Variants in TIAM2 observed in about 807,000 individuals in gnomAD.
TIAM2 encodes rho guanine nucleotide exchange factor TIAM2.
In TIAM2, 80 loss-of-function variants were observed where a neutral mutation model predicts 152.9. The ratio of observed to expected loss-of-function variants is 0.52; its 90% CI spans 0.44 to 0.63. The LOEUF (loss-of-function observed/expected upper bound fraction) is 0.63, where lower values mean the gene tolerates loss of function less well. Among genes scored for constraint, TIAM2 ranks in the 30% least tolerant of loss-of-function variants. The pLI is 0.00. For missense variants in TIAM2, 1,965 were observed against 2,120.1 expected (o/e 0.93, Z 1.44); for synonymous variants, 804 against 838.0 (o/e 0.96, Z 0.70).
chr6:155,165,372 C>A lies in TIAM2; in HGVS notation c.2324C>A (p.Ala775Asp), dbSNP rs149111578. ...TCGTTAAAAGGGCTGGACACACTGG[C>A]CAGAAAAGGCAAGGAGAAGAGACCT... Reference protein sequence around the residue: ...FSSLKGLDTLARKGKEKRPSI... With the variant: ...FSSLKGLDTLDRKGKEKRPSI... The change falls in exon 9 of 27, where the codon GCC becomes GAC. Residue 775 changes from alanine (A) to aspartate (D), a missense_variant. Around this residue, in one of 3 missense-constraint regions of TIAM2, gnomAD observed 1,025 missense variants for 1,119.4 expected, o/e 0.92. Transcript: ENST00000682666. The A allele has an allele frequency of 3.9e-5, 63 of 1,613,796 alleles. No homozygotes were observed. Among genetic ancestry groups the A allele is most frequent in the Non-Finnish European group, 5.2e-5 (61 of 1,179,968 alleles).
chr6:155,077,583 T>C (rs937947230), intron 1 of TIAM2, among the ~76,000 whole-genome samples: 2 of 152,208 alleles, frequency 1.3e-5, no homozygotes, highest in African/African-American at 4.8e-5. Context: ...AAGTTTTTAT[T>C]AGTGCTGCTT....
chr6:155,022,840 G>C (rs1776524964), intron 1 of TIAM2, among the ~76,000 whole-genome samples: 1 of 152,214 alleles, frequency 6.6e-6, no homozygotes, highest in South Asian at 2.1e-4. Flanking sequence ...AGTTAGTAGG[G>C]AAGAGGGCTA....
intron 14 of TIAM2, among the ~76,000 whole-genome samples, chr6:155,200,921 TAAAC>T (rs1229519658): frequency 6.6e-6 from 1 of 151,682 alleles, no homozygotes; most frequent in South Asian, 2.1e-4. Context: ...ATAAAATAAA[TAAAC>T]AATAAATAAA....
chr6:155,063,575 A>G (rs1345365748), intron 1 of TIAM2, among the ~76,000 whole-genome samples: 1 of 152,132 alleles, frequency 6.6e-6, no homozygotes, highest in Non-Finnish European at 1.5e-5. Context: ...CAAGGTCAAG[A>G]GGTCAAGACC....
At chr6:155,206,848 A>G (rs1012675813) in intron 14 of TIAM2, among the ~76,000 whole-genome samples, 2 of 152,232 alleles carry the variant, frequency 1.3e-5, no homozygotes, top group South Asian at 2.1e-4. Context: ...TATATTAACC[A>G]GATACAAATA....
At chr6:155,238,750 C>T (rs1462418255) in intron 15 of TIAM2, among the ~76,000 whole-genome samples, 2 of 152,216 alleles carry the variant, frequency 1.3e-5, no homozygotes, top group African/African-American at 4.8e-5. Flanking sequence ...CCACAGAAGT[C>T]TTTGTTGATT....
chr6:155,166,522 C>T lies in TIAM2; in HGVS notation c.2361+1113C>T, dbSNP rs539838589. ...TATTTTTAGTAGAGACAGGGTTTCA[C>T]CTGTTGGCCAGGCTGGTTGTGAACT... On this transcript the variant is annotated intron_variant, in intron 9 of 26. Coordinates refer to ENST00000682666, the MANE Select transcript of TIAM2 (RefSeq NM_012454.4). Among the ~76,000 whole-genome samples, 9 of 152,216 alleles carry T rather than the reference C, an allele frequency of 5.9e-5. No homozygotes were observed. In the East Asian group the frequency reaches 1.5e-3, roughly 26 times the overall value.
chr6:155,203,321 G>A (rs981087212), intron 14 of TIAM2, among the ~76,000 whole-genome samples: 3 of 152,090 alleles, frequency 2.0e-5, no homozygotes, highest in African/African-American at 7.2e-5. Flanking sequence ...TAAAATGAAG[G>A]AATTGAATAG....
At chr6:155,179,332 A>G (rs375431596) in intron 11 of TIAM2, 46 bp from the exon 12 acceptor site, 2 of 1,589,620 alleles carry the variant, frequency 1.3e-6, no homozygotes, top group Admixed American at 1.7e-5. Flanking sequence ...TTTTTGAGGT[A>G]TCATAACATG....
intron 2 of TIAM2, among the ~76,000 whole-genome samples, chr6:155,093,807 A>G (rs1583186300): frequency 6.6e-6 from 1 of 152,258 alleles, no homozygotes; most frequent in Middle Eastern, 3.4e-3. Flanking sequence ...CCCCTTTCTA[A>G]ATTCATGCCT....
At chr6:155,040,107 T>G (rs571120323) in intron 1 of TIAM2, among the ~76,000 whole-genome samples, 1 of 152,324 alleles carries the variant, frequency 6.6e-6, no homozygotes, top group Admixed American at 6.5e-5. Context: ...TCTGAGAAAT[T>G]ATATGAAATT....
In TIAM2 at chr6:155,080,463, A is replaced by AGGC. The variant is rs574923658; in HGVS notation, c.-208-9825_-208-9824insGCG. The stretch of plus-strand genomic sequence containing the variant: ...ATCCTTTTTTTTTTTTCTGGGAGAC[A>AGGC]GAGTCTTGCTCTGTCCCCCAGGCTG... On this transcript the variant is annotated intron_variant, in intron 1 of 26. Transcript: ENST00000682666. Among the ~76,000 whole-genome samples, 68 of 151,418 alleles carry AGGC rather than the reference A, an allele frequency of 4.5e-4. 1 individual carries two copies. The East Asian group carries it at 9.3e-3, about 21-fold the overall frequency.
chr6:155,254,256 T>G (rs2115365458), intron 25 of TIAM2, 163 bp from the exon 26 acceptor site: 2 of 1,039,906 alleles, frequency 1.9e-6, no homozygotes, highest in Non-Finnish European at 2.8e-6. Context: ...GAGTGATCAA[T>G]TCTCACCTCC....
intron 1 of TIAM2, among the ~76,000 whole-genome samples, chr6:155,058,321 G>C (rs1777497900): frequency 6.6e-6 from 1 of 152,198 alleles, no homozygotes; most frequent in Non-Finnish European, 1.5e-5. Flanking sequence ...GAATTTCAGA[G>C]AATGGGGTTG....
chr6:155,179,464 T>TAAG lies in TIAM2; in HGVS notation c.2707+9_2707+11dup. ...GGAGTGTGTGTGACTTTGGTGAGTG[T>TAAG]AAGGAATGCCCCTTTCAGGGAATTG... On this transcript the variant is annotated intron_variant, in intron 12 of 26. Transcript: ENST00000682666. 1 of 1,601,186 alleles carries TAAG rather than the reference T, an allele frequency of 6.2e-7. No individual in the cohort carries two copies. Among genetic ancestry groups the TAAG allele is most frequent in the South Asian group, 1.1e-5 (1 of 88,278 alleles).
chr6:155,114,887 G>T (rs1778973568), intron 2 of TIAM2, among the ~76,000 whole-genome samples: 1 of 152,010 alleles, frequency 6.6e-6, no homozygotes, highest in Non-Finnish European at 1.5e-5. Flanking sequence ...GAGTGCAGTG[G>T]CGTGATCTCA....
intron 9 of TIAM2, among the ~76,000 whole-genome samples, chr6:155,170,786 C>T (rs989530621): frequency 7.2e-5 from 11 of 152,140 alleles, no homozygotes; most frequent in African/African-American, 2.7e-4. Context: ...ACTATGATTT[C>T]TGCATTTGTT....
chr6:155,248,976 A>C (rs60022892), intron 20 of TIAM2, among the ~76,000 whole-genome samples: 1 of 152,174 alleles, frequency 6.6e-6, no homozygotes. Context: ...ATCAAAATCA[A>C]CAAGAGGAAA....
At chr6:155,183,549 A>G (rs1780964931) in intron 14 of TIAM2, 49 bp downstream of exon 14, 2 of 1,543,028 alleles carry the variant, frequency 1.3e-6, no homozygotes, top group Non-Finnish European at 1.7e-6. Flanking sequence ...TCAACAGCCA[A>G]TATTTTTAGG....
Sources: gnomAD v4.1 joint callset for allele counts (sites outside exome capture counted in the v4.1 genomes callset) on GRCh38, gnomAD v4.1.1 for gene constraint, gnomAD v4.1.1 regional missense constraint, MANE v1.5 for transcripts, NCBI Gene and HGNC (gene_info 2026-07-23, HGNC 2026-07-21) for gene names.